MAD1L1: variants seen among roughly 807,000 people sequenced by gnomAD.
MAD1L1 encodes the protein mitotic arrest deficient 1 like 1.
In MAD1L1, 95 loss-of-function variants were observed where a neutral mutation model predicts 96.9. The ratio of observed to expected loss-of-function variants is 0.98; its 90% CI spans 0.83 to 1.16. The LOEUF (loss-of-function observed/expected upper bound fraction) is 1.16, where lower values mean the gene tolerates loss of function less well. MAD1L1 is among the 50% of genes most tolerant of loss of function. The probability of loss-of-function intolerance (pLI) is 0.00; values close to 1 mark genes in which losing one functional copy is unlikely to be tolerated. For synonymous variants in MAD1L1, 473 were observed against 396.6 expected (o/e 1.19, Z -2.29); for missense variants, 1,007 against 954.4 (o/e 1.06, Z -0.73).
At chr7:2,106,016 A>ACATGGCCCCGCGCCTGCCCCACC (rs1787076421) in intron 11 of MAD1L1, among the ~76,000 whole-genome samples, 1 of 48,230 alleles carries the variant, frequency 2.1e-5, no homozygotes, top group Admixed American at 2.0e-4. Context: ...CCTGCCCCAC[A>ACATGGCCCCGCGCCTGCCCCACC]CATGGCCCCG....
chr7:2,063,167 C>G (rs1283800901), intron 12 of MAD1L1, among the ~76,000 whole-genome samples: 2 of 152,154 alleles, frequency 1.3e-5, no homozygotes, highest in African/African-American at 4.8e-5. Flanking sequence ...TGTATATGTT[C>G]TATATGATCT....
chr7:2,157,463 C>T (rs1042700416), intron 10 of MAD1L1, among the ~76,000 whole-genome samples: 4 of 152,328 alleles, frequency 2.6e-5, no homozygotes, highest in African/African-American at 9.6e-5. Context: ...GCTCCCGACA[C>T]GGAAGACGCT....
intron 12 of MAD1L1, among the ~76,000 whole-genome samples, chr7:2,059,075 G>C (rs1784514599): frequency 9.9e-6 from 1 of 100,736 alleles, no homozygotes; most frequent in Admixed American, 9.1e-5. Context: ...GCTGGAGAGG[G>C]AGTGTGGCCA....
intron 11 of MAD1L1, among the ~76,000 whole-genome samples, chr7:2,141,511 C>G (rs904869919): frequency 3.9e-5 from 6 of 152,208 alleles, no homozygotes; most frequent in Non-Finnish European, 7.4e-5. Flanking sequence ...GTCCCCCAAC[C>G]CGGGACTTCA....
intron 15 of MAD1L1, among the ~76,000 whole-genome samples, chr7:1,965,689 G>A (rs576784078): frequency 9.8e-5 from 15 of 152,354 alleles, no homozygotes; most frequent in Non-Finnish European, 1.8e-4. Flanking sequence ...CTGCAGTGGC[G>A]GCAGGGAGCC....
At position 1,936,885 on chromosome 7, in the gene MAD1L1, G is replaced by A. The variant is rs1275798761; in HGVS notation, c.1609C>T (p.Gln537Ter). The change falls in exon 17 of 19, where the codon CAG becomes TAG. Residue 537 changes from glutamine to a stop codon, truncating the protein, a stop_gained. Coordinates refer to ENST00000265854, the MANE Select transcript of MAD1L1 (RefSeq NM_001013836.2). LOFTEE classifies it high-confidence loss of function. ...ERRALQGDYD[Q>*]SRTKVLHMSL... ...ATGTGCAGCACTTTGGTCCTGCTCT[G>A]GTCATAGTCACCCTGCAGGAACACA... 1.3e-6 allele frequency: 2 copies of A among 1,596,786 alleles called. No homozygotes were observed. Among genetic ancestry groups the A allele is most frequent in the African/African-American group, 1.3e-5 (1 of 74,816 alleles).
intron 7 of MAD1L1, 30 bp from the exon 8 acceptor site, chr7:2,216,317 G>A: frequency 6.2e-7 from 1 of 1,602,070 alleles, no homozygotes; most frequent in Non-Finnish European, 8.5e-7. Flanking sequence ...GAGAAGAAGG[G>A]AAAAATGAGC....
rs186915140 is a variant in MAD1L1 at position 2,098,097 on chromosome 7, C to T, written c.1074-28759G>A. Among the ~76,000 whole-genome samples the T allele has an allele frequency of 1.8e-4, 27 of 152,300 alleles. 1 individual carries two copies. In the East Asian group the frequency reaches 5.2e-3, roughly 29 times the overall value. ...CACACAGCTCTGTCTTCTCGGGGCA[C>T]AGAGGACAGATCAGTGAGGACGCCC... On this transcript the variant is annotated intron_variant, in intron 11 of 18. Transcript: ENST00000265854.
intron 12 of MAD1L1, among the ~76,000 whole-genome samples, chr7:2,024,893 C>T (rs1782935070): frequency 1.3e-5 from 2 of 152,186 alleles, no homozygotes; most frequent in African/African-American, 2.4e-5. Context: ...GAAATGATAC[C>T]AATTCTCCAA....
chr7:1,898,084 C>A (rs569430248), intron 18 of MAD1L1, 116 bp downstream of exon 18: 14 of 1,132,494 alleles, frequency 1.2e-5, no homozygotes, highest in African/African-American at 9.2e-5. Flanking sequence ...GCCCAGCCCT[C>A]CACACCATCC....
At chr7:1,866,443 G>A (rs1447105561) in intron 18 of MAD1L1, among the ~76,000 whole-genome samples, 1 of 101,384 alleles carries the variant, frequency 9.9e-6, no homozygotes, top group Non-Finnish European at 1.9e-5. Flanking sequence ...ATGCTCCCAG[G>A]AACAAAGGGC....
At position 1,815,986 on chromosome 7, in the gene MAD1L1, G is replaced by A. The variant is rs1280337655; in HGVS notation, c.*84C>T. On this transcript the variant is annotated 3_prime_UTR_variant, in exon 19 of 19. Coordinates refer to ENST00000265854, the MANE Select transcript of MAD1L1 (RefSeq NM_001013836.2). ...CTGTGGGGCTGGAGAGGCAGGACGTGCACCCAGCCTGTGGCTGGCGGGGCA... is the reference window on the plus strand; with the variant it reads ...CTGTGGGGCTGGAGAGGCAGGACGTACACCCAGCCTGTGGCTGGCGGGGCA... The A allele has an allele frequency of 3.4e-5, 48 of 1,426,370 alleles. No individual in the cohort carries two copies. Among genetic ancestry groups the A allele is most frequent in the Non-Finnish European group, 4.5e-5 (48 of 1,058,456 alleles). 88.4% of individuals were successfully genotyped at this position (1,426,370 alleles called of 1,614,324 possible).
chr7:1,980,905 C>T lies in MAD1L1; in HGVS notation c.1417-364G>A, dbSNP rs1417000556. 8 of 382,960 alleles carry T rather than the reference C, an allele frequency of 2.1e-5. No homozygotes were observed. In the East Asian group the frequency reaches 2.8e-4, roughly 13 times the overall value. 23.7% of individuals were successfully genotyped at this position (382,960 alleles called of 1,614,324 possible). On this transcript the variant is annotated intron_variant, in intron 14 of 18. Transcript: ENST00000265854. The stretch of plus-strand genomic sequence containing the variant: ...AACAGCCACAAGCCGTCGTTTATTC[C>T]GCTACTTCCAATTCCTCTACAGAAC...
At chr7:1,979,375 C>T (rs950653853) in intron 15 of MAD1L1, among the ~76,000 whole-genome samples, 1 of 152,222 alleles carries the variant, frequency 6.6e-6, no homozygotes, top group Non-Finnish European at 1.5e-5. Context: ...AGAGGAGTGG[C>T]CAATGCAGGA....
At chr7:2,141,238 G>A (rs1049591484) in intron 11 of MAD1L1, among the ~76,000 whole-genome samples, 2 of 152,356 alleles carry the variant, frequency 1.3e-5, no homozygotes, top group Middle Eastern at 3.4e-3. Flanking sequence ...GGGCCACGCA[G>A]TGCCCCACTG....
intron 1 of MAD1L1, among the ~76,000 whole-genome samples, chr7:2,232,567 G>A (rs961938164): frequency 2.0e-5 from 3 of 152,178 alleles, no homozygotes; most frequent in Admixed American, 6.5e-5. Flanking sequence ...CCACGAGCAC[G>A]CGCCCCTCGG....
intron 14 of MAD1L1, among the ~76,000 whole-genome samples, chr7:1,999,516 C>G (rs989279324): frequency 6.6e-6 from 1 of 152,204 alleles, no homozygotes; most frequent in Non-Finnish European, 1.5e-5. Flanking sequence ...GACGCCCAAC[C>G]TGGCTCCAAG....
intron 17 of MAD1L1, among the ~76,000 whole-genome samples, chr7:1,909,267 TCCCTGCAGAGAGTACTCTGGG>T (rs1215152680): frequency 2.6e-5 from 4 of 152,136 alleles, no homozygotes; most frequent in Non-Finnish European, 5.9e-5. Flanking sequence ...CGCCCGAGTG[TCCCTGCAGAGAGTACTCTGGG>T]CCCTGGCAGG....
At chr7:2,001,879 C>T (rs536324898) in intron 14 of MAD1L1, among the ~76,000 whole-genome samples, 186 bp downstream of exon 14, 4 of 152,368 alleles carry the variant, frequency 2.6e-5, no homozygotes, top group African/African-American at 9.6e-5. Flanking sequence ...GCGCATGCCA[C>T]CTGTCACTAG....
Sources: allele counts gnomAD v4.1 joint callset (sites outside exome capture counted in the v4.1 genomes callset), GRCh38; gene constraint gnomAD v4.1.1; transcripts MANE v1.5; gene names NCBI Gene and HGNC (gene_info 2026-07-23, HGNC 2026-07-21).